FLRT1: variants seen among roughly 807,000 people sequenced by gnomAD.
FLRT1 encodes the protein fibronectin leucine rich transmembrane protein 1.
Under a neutral mutation model 30.9 loss-of-function variants are expected in FLRT1, and 14 were observed. That is an observed-to-expected ratio of 0.45 (90% CI 0.30 to 0.71). The LOEUF is 0.71. FLRT1 is among the 30% of genes least tolerant of loss of function. FLRT1 has a pLI of 0.08. For missense variants in FLRT1, 737 were observed against 949.2 expected (o/e 0.78, Z 2.94); for synonymous variants, 368 against 430.4 (o/e 0.85, Z 1.80).
intron 1 of FLRT1, among the ~76,000 whole-genome samples, chr11:64,065,527 T>C (rs56333178): frequency 0.19 from 28,840 of 152,066 alleles, 3,109 homozygotes; most frequent in South Asian, 0.29. Context: ...CGGTGGCTCA[T>C]GCCTGTAATC....
At chr11:64,075,852 TTAG>T (rs1043873022) in intron 1 of FLRT1, among the ~76,000 whole-genome samples, 5 of 152,226 alleles carry the variant, frequency 3.3e-5, no homozygotes, top group Non-Finnish European at 5.9e-5. Flanking sequence ...TTGTACTTTT[TTAG>T]TAGAGACGGG....
At position 64,059,755 on chromosome 11, in the gene FLRT1, G is replaced by A. The variant is rs78164911; in HGVS notation, c.-1038+23596G>A. Reference sequence around the variant, plus strand: ...GAGGCAAACGCAGGCCTTCCCCTCTGAGTCCGGGTCTATTCCCTCTCCTGA... The same window carrying A: ...GAGGCAAACGCAGGCCTTCCCCTCTAAGTCCGGGTCTATTCCCTCTCCTGA... On this transcript the variant is annotated intron_variant, in intron 1 of 2. Coordinates refer to ENST00000682287, the MANE Select transcript of FLRT1 (RefSeq NM_013280.5). Among the ~76,000 whole-genome samples, 1,088 of 152,324 alleles carry A rather than the reference G, an allele frequency of 7.1e-3. 11 individuals carry two copies. Among genetic ancestry groups the A allele is most frequent in the African/African-American group, 0.024 (1,001 of 41,572 alleles).
Position 64,084,711 on chromosome 11 carries a change from CCG to C in FLRT1, c.-1037-18482_-1037-18481del, listed in dbSNP as rs1367125436. Among the ~76,000 whole-genome samples, 4 of 152,214 alleles carry C rather than the reference CCG, an allele frequency of 2.6e-5. No individual in the cohort carries two copies. The East Asian group carries it at 7.7e-4, about 29-fold the overall frequency. On this transcript the variant is annotated intron_variant, in intron 1 of 2. Transcript: ENST00000682287. Reference sequence around the variant, plus strand: ...GGAGGGAGCAGGGCTGTCCACGTGCCCGTGCTGCTTCGGCTCAGCCCTAGGCC... The same window carrying C: ...GGAGGGAGCAGGGCTGTCCACGTGCCTGCTGCTTCGGCTCAGCCCTAGGCC...
intron 1 of FLRT1, among the ~76,000 whole-genome samples, chr11:64,101,462 G>A (rs1944669222): frequency 6.6e-6 from 1 of 152,016 alleles, no homozygotes; most frequent in Non-Finnish European, 1.5e-5. Flanking sequence ...GGCCACAGCT[G>A]ACTGGAGCCT....
intron 1 of FLRT1, among the ~76,000 whole-genome samples, chr11:64,095,573 T>A (rs1349000492): frequency 1.3e-5 from 2 of 151,960 alleles, no homozygotes; most frequent in South Asian, 2.1e-4. Flanking sequence ...GGGAGGGAAG[T>A]AGAGAACTGA....
At chr11:64,072,089 C>T (rs746282068) in intron 1 of FLRT1, among the ~76,000 whole-genome samples, 3 of 152,250 alleles carry the variant, frequency 2.0e-5, no homozygotes, top group Non-Finnish European at 2.9e-5. Context: ...CGAATCGAAT[C>T]GACTGCTGAA....
chr11:64,079,285 G>C (rs1020167637), intron 1 of FLRT1, among the ~76,000 whole-genome samples: 1 of 152,138 alleles, frequency 6.6e-6, no homozygotes, highest in Non-Finnish European at 1.5e-5. Flanking sequence ...GCTGTGTGCA[G>C]CTGGCGCTGC....
Position 64,103,814 on chromosome 11 carries a change from G to C in FLRT1, c.-417G>C, listed in dbSNP as rs1056438546. 1 of 152,248 alleles carries C rather than the reference G, an allele frequency of 6.6e-6. No homozygotes were observed. Among genetic ancestry groups the C allele is most frequent in the Admixed American group, 6.5e-5 (1 of 15,284 alleles). 9.4% of individuals were successfully genotyped at this position (152,248 alleles called of 1,614,324 possible). ...CCCTCGGGAGTCCTGGGGTCCAGAG[G>C]GGTGTCCCTGTACCCCTTGCACACA... is the stretch of plus-strand genomic sequence containing the variant. On this transcript the variant is annotated 5_prime_UTR_variant, in exon 2 of 3. Transcript: ENST00000682287.
At chr11:64,041,516 T>C (rs1488608291) in intron 1 of FLRT1, among the ~76,000 whole-genome samples, 1 of 149,302 alleles carries the variant, frequency 6.7e-6, no homozygotes, top group African/African-American at 2.5e-5. Flanking sequence ...GGAGGGTGTG[T>C]TGGGGGACAC....
intron 1 of FLRT1, among the ~76,000 whole-genome samples, chr11:64,092,161 G>C (rs570190244): frequency 1.3e-5 from 2 of 152,344 alleles, no homozygotes; most frequent in Admixed American, 6.5e-5. Context: ...TCCCGAGTGG[G>C]TGGAGTCACT....
At chr11:64,091,123 G>A (rs1307369345) in intron 1 of FLRT1, among the ~76,000 whole-genome samples, 1 of 144,816 alleles carries the variant, frequency 6.9e-6, no homozygotes, top group African/African-American at 2.5e-5. Flanking sequence ...AGGGAAGAGA[G>A]GGTGGGGAGG....
At position 64,118,732 on chromosome 11, in the gene FLRT1, C is replaced by G. The variant is rs144040219; in HGVS notation, c.*440C>G. 1 of 170,014 alleles carries G rather than the reference C, an allele frequency of 5.9e-6. No individual in the cohort carries two copies. Among genetic ancestry groups the G allele is most frequent in the East Asian group, 1.8e-4 (1 of 5,412 alleles). 10.5% of individuals were successfully genotyped at this position (170,014 alleles called of 1,614,324 possible). A position where few individuals can be genotyped will look rare whatever the true frequency, so the allele number is the denominator to read the frequency against. The stretch of plus-strand genomic sequence containing the variant: ...TCTCAAAGCTCCCACGCAGCTCTCC[C>G]GCCACTGGCCACTCGCTGGCGACCC... On this transcript the variant is annotated 3_prime_UTR_variant, in exon 3 of 3. Transcript: ENST00000682287.
At chr11:64,066,166 G>A (rs1045544441) in intron 1 of FLRT1, among the ~76,000 whole-genome samples, 1 of 151,750 alleles carries the variant, frequency 6.6e-6, no homozygotes, top group East Asian at 1.9e-4. Context: ...GCATGGTGGT[G>A]GGCACCTGTA....
chr11:64,050,770 CAT>C (rs1296129179), intron 1 of FLRT1, among the ~76,000 whole-genome samples: 5 of 152,260 alleles, frequency 3.3e-5, no homozygotes, highest in Non-Finnish European at 7.3e-5. Flanking sequence ...AGGCGCATGC[CAT>C]AATACCCCGC....
At chr11:64,080,374 T>C (rs576746087) in intron 1 of FLRT1, among the ~76,000 whole-genome samples, 52 of 152,384 alleles carry the variant, frequency 3.4e-4, no homozygotes, top group African/African-American at 1.2e-3. Flanking sequence ...ATAACTCACA[T>C]ACCATAAAAG....
intron 2 of FLRT1, among the ~76,000 whole-genome samples, chr11:64,111,881 C>T (rs1944869678): frequency 6.6e-6 from 1 of 152,186 alleles, no homozygotes; most frequent in African/African-American, 2.4e-5. Flanking sequence ...GCAGGAGGCT[C>T]ACAGGAGAGT....
Position 64,116,209 on chromosome 11 carries a change from C to A in FLRT1, c.-49-10C>A. On this transcript the variant is annotated splice_polypyrimidine_tract_variant and intron_variant, in intron 2 of 2. Transcript: ENST00000682287. Reference sequence around the variant, plus strand: ...TCCCTCTCACTGCCCCTGTCCTGTGCTCCTTGCAGGTATTCAGGCTCCAGG... The same window carrying A: ...TCCCTCTCACTGCCCCTGTCCTGTGATCCTTGCAGGTATTCAGGCTCCAGG... 6.5e-7 allele frequency: 1 copy of A among 1,550,048 alleles called. No homozygotes were observed. The highest frequency in any genetic ancestry group is 1.8e-5 in the Admixed American group (1 of 55,124).
At chr11:64,091,613 G>A (rs61884707) in intron 1 of FLRT1, among the ~76,000 whole-genome samples, 45,669 of 152,014 alleles carry the variant, frequency 0.3, 8,663 homozygotes, top group Middle Eastern at 0.44. Flanking sequence ...AGCCTAGGAC[G>A]TTGCCGCCAC....
At chr11:64,051,101 G>A (rs1565209985) in intron 1 of FLRT1, among the ~76,000 whole-genome samples, 1 of 152,236 alleles carries the variant, frequency 6.6e-6, no homozygotes, top group Non-Finnish European at 1.5e-5. Context: ...CTCCATGGAT[G>A]CTGCCTGTGG....
Sources: gnomAD v4.1 joint callset for allele counts (sites outside exome capture counted in the v4.1 genomes callset) on GRCh38, gnomAD v4.1.1 for gene constraint, MANE v1.5 for transcripts, NCBI Gene and HGNC (gene_info 2026-07-23, HGNC 2026-07-21) for gene names.